ANAPC10: variants seen among roughly 807,000 people sequenced by gnomAD.
ANAPC10 encodes anaphase-promoting complex subunit 10.
Under a neutral mutation model 22.0 loss-of-function variants are expected in ANAPC10, and 12 were observed. The observed-to-expected ratio is 0.55, with a 90% CI of 0.35 to 0.88. ANAPC10 has a LOEUF of 0.88. ANAPC10 is among the 40% of genes least tolerant of loss of function. ANAPC10 has a pLI of 0.01. For missense variants in ANAPC10, 188 were observed against 220.9 expected, an observed-to-expected ratio of 0.85 and a Z score of 0.94; for synonymous variants, 65 against 69.5, an observed-to-expected ratio of 0.94 and a Z score of 0.32.
At chr4:145,007,166 C>T (rs1324110955) in intron 4 of ANAPC10, among the ~76,000 whole-genome samples, 1 of 152,074 alleles carries the variant, frequency 6.6e-6, no homozygotes, top group Admixed American at 6.6e-5. Flanking sequence ...TACAAAGAGA[C>T]TTAGACTCCC....
At chr4:145,040,377 A>G (rs936779329) in intron 4 of ANAPC10, among the ~76,000 whole-genome samples, 1 of 151,966 alleles carries the variant, frequency 6.6e-6, no homozygotes, top group African/African-American at 2.4e-5. Flanking sequence ...CGAACTCCTG[A>G]CCTCAGGTGA....
At chr4:145,042,346 A>G (rs1393530245) in intron 4 of ANAPC10, among the ~76,000 whole-genome samples, 1 of 152,198 alleles carries the variant, frequency 6.6e-6, no homozygotes, top group Non-Finnish European at 1.5e-5. Flanking sequence ...CAAGAAGCCA[A>G]CATACTTAAG....
rs1364905496 is a variant in ANAPC10 at position 145,054,534 on chromosome 4, G to A, written c.327+10038C>T. ...ATCGCGCCACTGCACTCCAGCCTGG[G>A]CAATGGAGAGAGACTCTATCTCAAA... On this transcript the variant is annotated intron_variant, in intron 4 of 4. Transcript: ENST00000507656. Among the ~76,000 whole-genome samples, 41 of 149,208 alleles carry A rather than the reference G, an allele frequency of 2.7e-4. 1 individual carries two copies. The highest frequency in any genetic ancestry group is 8.9e-4 in the African/African-American group (36 of 40,498).
intron 3 of ANAPC10, among the ~76,000 whole-genome samples, chr4:145,070,317 G>C (rs1339685554): frequency 6.6e-6 from 1 of 152,130 alleles, no homozygotes; most frequent in African/African-American, 2.4e-5. Context: ...AAGTCTTACA[G>C]CTTAACAACA....
intron 4 of ANAPC10, among the ~76,000 whole-genome samples, chr4:145,040,910 T>C (rs1041916944): frequency 6.6e-6 from 1 of 152,204 alleles, no homozygotes; most frequent in East Asian, 1.9e-4. Flanking sequence ...ATAATACTTA[T>C]TGTTTTATAT....
intron 3 of ANAPC10, among the ~76,000 whole-genome samples, chr4:145,078,462 A>G (rs1163879649): frequency 6.6e-6 from 1 of 152,240 alleles, no homozygotes; most frequent in Non-Finnish European, 1.5e-5. Flanking sequence ...GCCCAAAGCA[A>G]TTTATAGATT....
chr4:145,011,073 T>C (rs192745215), intron 4 of ANAPC10, among the ~76,000 whole-genome samples: 1 of 152,036 alleles, frequency 6.6e-6, no homozygotes, highest in Non-Finnish European at 1.5e-5. Flanking sequence ...GGCTCACGTC[T>C]GTAATCCCAG....
intron 2 of ANAPC10, among the ~76,000 whole-genome samples, chr4:145,095,355 A>T (rs1748346499): frequency 6.6e-6 from 1 of 152,144 alleles, no homozygotes; most frequent in South Asian, 2.1e-4. Context: ...ATCCCACCCA[A>T]GACATAAATC....
At chr4:145,058,971 T>C (rs1230265475) in intron 4 of ANAPC10, among the ~76,000 whole-genome samples, 2 of 152,286 alleles carry the variant, frequency 1.3e-5, no homozygotes, top group East Asian at 3.9e-4. Flanking sequence ...AAGTTAGTTA[T>C]GAAACTACTT....
chr4:145,055,882 T>TA (rs1391292571), intron 4 of ANAPC10, among the ~76,000 whole-genome samples: 1 of 152,168 alleles, frequency 6.6e-6, no homozygotes, highest in Non-Finnish European at 1.5e-5. Flanking sequence ...ACTAACTACA[T>TA]AAAAAATGGT....
At chr4:145,021,784 T>A (rs1484699907) in intron 4 of ANAPC10, among the ~76,000 whole-genome samples, 2 of 152,136 alleles carry the variant, frequency 1.3e-5, no homozygotes, top group African/African-American at 2.4e-5. Flanking sequence ...GAAAATGGAC[T>A]AATATCCAGA....
intron 3 of ANAPC10, among the ~76,000 whole-genome samples, chr4:145,076,485 C>A (rs1431553499): frequency 4.6e-5 from 7 of 152,152 alleles, no homozygotes; most frequent in Non-Finnish European, 1.0e-4. Flanking sequence ...GAACATTTTC[C>A]CACACAGATA....
chr4:145,077,343 A>G (rs1240427212), intron 3 of ANAPC10, among the ~76,000 whole-genome samples: 1 of 152,222 alleles, frequency 6.6e-6, no homozygotes, highest in African/African-American at 2.4e-5. Context: ...AACAACAAGC[A>G]AACTGGAAAA....
At chr4:145,084,298 T>C (rs970640271) in intron 2 of ANAPC10, among the ~76,000 whole-genome samples, 25 of 152,304 alleles carry the variant, frequency 1.6e-4, no homozygotes, top group African/African-American at 5.8e-4. Flanking sequence ...ACTAGTTAGC[T>C]AGATAAAGAG....
intron 4 of ANAPC10, among the ~76,000 whole-genome samples, chr4:145,051,888 G>A (rs956917116): frequency 3.9e-5 from 6 of 152,122 alleles, no homozygotes; most frequent in African/African-American, 9.6e-5. Context: ...TTAAATAATC[G>A]CAGAGTACCT....
chr4:145,019,911 C>G (rs564977184), intron 4 of ANAPC10, among the ~76,000 whole-genome samples: 1 of 151,868 alleles, frequency 6.6e-6, no homozygotes, highest in East Asian at 1.9e-4. Context: ...CTAAACAGAC[C>G]AATAACAAGC....
chr4:144,997,415 A>G (rs1210237572), intron 4 of ANAPC10, among the ~76,000 whole-genome samples: 1 of 152,232 alleles, frequency 6.6e-6, no homozygotes, highest in African/African-American at 2.4e-5. Context: ...AAGCCAGAAG[A>G]GAGTGGGGGC....
chr4:145,059,574 T>A (rs536311564), intron 4 of ANAPC10, among the ~76,000 whole-genome samples: 15 of 152,124 alleles, frequency 9.9e-5, no homozygotes, highest in Admixed American at 6.5e-4. Context: ...AAAGGACAAC[T>A]TTCACATATG....
At chr4:145,008,933 G>C (rs192827859) in intron 4 of ANAPC10, among the ~76,000 whole-genome samples, 2 of 151,822 alleles carry the variant, frequency 1.3e-5, no homozygotes, top group Non-Finnish European at 2.9e-5. Context: ...TATATATTTA[G>C]AAAACCCCAC....
Sources: allele counts gnomAD v4.1 joint callset (sites outside exome capture counted in the v4.1 genomes callset), GRCh38; gene constraint gnomAD v4.1.1; transcripts MANE v1.5; gene names NCBI Gene and HGNC (gene_info 2026-07-23, HGNC 2026-07-21).